BIRC6: variants seen among roughly 807,000 people sequenced by gnomAD.
BIRC6 encodes the protein dual E2 ubiquitin-conjugating enzyme/E3 ubiquitin-protein ligase BIRC6.
BIRC6 carries 98 observed loss-of-function variants against 503.3 expected under a neutral mutation model. The observed-to-expected ratio is 0.19, with a 90% confidence interval of 0.17 to 0.23. The LOEUF is 0.23. Among genes scored for constraint, BIRC6 ranks in the 10% least tolerant of loss-of-function variants. The pLI is 1.00. For missense variants in BIRC6, 5,360 were observed against 5,806.0 expected, an observed-to-expected ratio of 0.92 and a Z score of 2.50; for synonymous variants, 2,240 against 2,078.7, an observed-to-expected ratio of 1.08 and a Z score of -2.11.
chr2:32,574,164 T>TC (rs1350964470), intron 65 of BIRC6, among the ~76,000 whole-genome samples: 1 of 147,340 alleles, frequency 6.8e-6, no homozygotes, highest in Non-Finnish European at 1.5e-5. Context: ...CTTTTTCTTT[T>TC]TTTTTTTTTT....
At chr2:32,473,965 C>T (rs929715318) in intron 33 of BIRC6, among the ~76,000 whole-genome samples, 1 of 151,672 alleles carries the variant, frequency 6.6e-6, no homozygotes, top group East Asian at 1.9e-4. Context: ...CTTTGTTGCC[C>T]AGGCTGCTCT....
In BIRC6 at chr2:32,439,641, G is replaced by C. The variant is rs763076334; in HGVS notation, c.3765G>C (p.Lys1255Asn). 3.1e-6 allele frequency: 5 copies of C among 1,613,806 alleles called. No homozygotes were observed. In the African/African-American group the frequency reaches 5.3e-5, roughly 17 times the overall value. Residue 1255 changes from lysine to asparagine, a missense_variant, in exon 16 of 74, where the codon AAG (lysine) becomes AAC (asparagine). Coordinates refer to ENST00000421745, the MANE Select transcript of BIRC6 (RefSeq NM_016252.4). The stretch of plus-strand genomic sequence containing the variant: ...CATCCCTAAAACACCAGAGTAACAA[G>C]GGTTATTCACTTGCTTCACTTTTGG... ...RLPSLKHQSN[K>N]GYSLASLLAK...
At chr2:32,375,929 T>A (rs1453102357) in intron 1 of BIRC6, among the ~76,000 whole-genome samples, 1 of 152,126 alleles carries the variant, frequency 6.6e-6, no homozygotes, top group African/African-American at 2.4e-5. Context: ...CTCACGCCTA[T>A]AATCCCGGCT....
chr2:32,421,019 C>T (rs1473316449), intron 10 of BIRC6, among the ~76,000 whole-genome samples: 1 of 146,758 alleles, frequency 6.8e-6, no homozygotes, highest in African/African-American at 2.5e-5. Context: ...TTCCCATTTA[C>T]TGGATTTCCA....
chr2:32,510,357 G>T (rs148245289), intron 52 of BIRC6, among the ~76,000 whole-genome samples, 169 bp from the exon 53 acceptor site: 1 of 152,226 alleles, frequency 6.6e-6, no homozygotes, highest in East Asian at 1.9e-4. Flanking sequence ...GGGATTACAC[G>T]TGTGAACCAC....
In BIRC6 at chr2:32,611,459, A is replaced by T. The variant is rs751964991; in HGVS notation, c.14271A>T (p.Lys4757Asn). Residue 4757 changes from lysine to asparagine, a missense_variant, in exon 73 of 74, where the codon AAA becomes AAT. Coordinates refer to ENST00000421745, the MANE Select transcript of BIRC6 (RefSeq NM_016252.4). ...TACTTTTTCTCAAGGTAATACACAA[A>T]CATTTTTACTTGAAAAGAGTTGAGA... ...PSPCFKEVIH[K>N]HFYLKRVEIM... 12 of 1,607,338 alleles carry T rather than the reference A, an allele frequency of 7.5e-6. No homozygotes were observed. The highest frequency in any genetic ancestry group is 1.0e-5 in the Non-Finnish European group (12 of 1,175,948).
rs1299135113 is a variant in BIRC6 at position 32,543,669 on chromosome 2, GCTCA to G, written c.12592+131_12592+134del. ...GCTGTTAGATGATTTGTAAGTGGTAGCTCACTTCCAGTATTAGTTATACATAATA... is the reference window on the plus strand; with the variant it reads ...GCTGTTAGATGATTTGTAAGTGGTAGCTTCCAGTATTAGTTATACATAATA... On this transcript the variant is annotated intron_variant, in intron 62 of 73. Transcript: ENST00000421745. 43 of 861,066 alleles carry G rather than the reference GCTCA, an allele frequency of 5.0e-5. No homozygotes were observed. In the East Asian group the frequency reaches 9.1e-4, roughly 18 times the overall value. The allele number at this position is 861,066 out of a possible 1,614,324, so 53.3% of individuals were successfully genotyped here. A position where few individuals can be genotyped will look rare whatever the true frequency, so the allele number is the denominator to read the frequency against.
intron 22 of BIRC6, 46 bp downstream of exon 22, chr2:32,448,974 G>A (rs772814365): frequency 1.9e-4 from 302 of 1,559,432 alleles, no homozygotes; most frequent in Non-Finnish European, 2.5e-4. Flanking sequence ...TTGTATCTTG[G>A]ATTTAAGTTG....
At chr2:32,431,567 A>G (rs2044127932) in intron 12 of BIRC6, among the ~76,000 whole-genome samples, 1 of 152,184 alleles carries the variant, frequency 6.6e-6, no homozygotes, top group Admixed American at 6.5e-5. Flanking sequence ...TCTAACAAAT[A>G]TATAAGCTAA....
At chr2:32,454,727 T>C (rs543005818) in intron 23 of BIRC6, among the ~76,000 whole-genome samples, 26 of 152,276 alleles carry the variant, frequency 1.7e-4, no homozygotes, top group Non-Finnish European at 2.8e-4. Flanking sequence ...TCGTGAAAAA[T>C]ATAATCTTAG....
chr2:32,364,238 C>T (rs1404137198), intron 1 of BIRC6, among the ~76,000 whole-genome samples: 1 of 152,068 alleles, frequency 6.6e-6, no homozygotes, highest in East Asian at 1.9e-4. Flanking sequence ...AAAACCTGCT[C>T]AGTGTTTTTA....
chr2:32,597,851 T>C lies in BIRC6; in HGVS notation c.13713T>C (p.Ser4571=), dbSNP rs201790018. ...TGAAAAATGCTAATGATGCGAACAG[T>C]GCTGCCAGAGCTCGCCGCCTTGCCC... ...SQVKNANDAN[S]AARARRLAQE... is the part of the protein sequence containing the mutation. The change falls in exon 69 of 74, where the codon AGT becomes AGC. Residue 4571 remains serine (S), a synonymous_variant. Coordinates refer to ENST00000421745, the MANE Select transcript of BIRC6 (RefSeq NM_016252.4). 7.4e-6 allele frequency: 12 copies of C among 1,613,852 alleles called. No homozygotes were observed. In the East Asian group the frequency reaches 1.8e-4, roughly 24 times the overall value.
intron 6 of BIRC6, among the ~76,000 whole-genome samples, chr2:32,396,353 G>T (rs1438041239): frequency 6.6e-6 from 1 of 152,202 alleles, no homozygotes; most frequent in Admixed American, 6.5e-5. Context: ...GCTAGTGATA[G>T]AGCCAGGGTT....
In BIRC6 at chr2:32,535,923, C is replaced by G. The variant is rs1402253671; in HGVS notation, c.12291+4372C>G. Among the ~76,000 whole-genome samples the G allele has an allele frequency of 2.0e-5, 3 of 152,210 alleles. No individual in the cohort carries two copies. The South Asian group carries it at 6.2e-4, about 32-fold the overall frequency. ...TTGAACTAGTTTACAGTCCCACCAACGGTGTAAAAGTGTTCCTATTTCTCC... is the reference window on the plus strand; with the variant it reads ...TTGAACTAGTTTACAGTCCCACCAAGGGTGTAAAAGTGTTCCTATTTCTCC... On this transcript the variant is annotated intron_variant, in intron 61 of 73. Transcript: ENST00000421745.
intron 4 of BIRC6, among the ~76,000 whole-genome samples, chr2:32,389,436 T>A (rs1480953416): frequency 6.6e-6 from 1 of 152,036 alleles, no homozygotes; most frequent in Admixed American, 6.6e-5. Flanking sequence ...TAACAATTTT[T>A]TATGCTGCTC....
chr2:32,508,042 A>C lies in BIRC6; in HGVS notation c.9763A>C (p.Thr3255Pro), dbSNP rs775575511. ...ADGVNMLPLS[T>P]PVVTSGLTYI... is the part of the protein sequence containing the mutation. ...TGGGGTAAATATGCTACCTTTGTCC[A>C]CTCCTGTTGTCACAAGTGGCCTCAC... The change falls in exon 51 of 74, where the codon ACT becomes CCT. Residue 3255 changes from threonine (T) to proline (P), a missense_variant. This residue lies in a region of BIRC6 where 62 missense variants were observed against 107.4 expected (regional missense o/e 0.58). Coordinates refer to ENST00000421745, the MANE Select transcript of BIRC6 (RefSeq NM_016252.4). The C allele has an allele frequency of 1.4e-5, 22 of 1,613,672 alleles. No individual in the cohort carries two copies. The South Asian group carries it at 2.4e-4, about 18-fold the overall frequency.
At chr2:32,384,301 G>A (rs1433210853) in intron 3 of BIRC6, among the ~76,000 whole-genome samples, 1 of 152,030 alleles carries the variant, frequency 6.6e-6, no homozygotes, top group African/African-American at 2.4e-5. Context: ...TTGAAAATGA[G>A]TCTTTAGTAG....
chr2:32,609,561 C>G (rs1050229812), intron 72 of BIRC6, among the ~76,000 whole-genome samples: 4 of 152,104 alleles, frequency 2.6e-5, no homozygotes, highest in East Asian at 1.9e-4. Context: ...TGCAGATGTT[C>G]TACATGAATA....
Position 32,477,581 on chromosome 2 carries a change from A to G in BIRC6, c.7066A>G (p.Lys2356Glu), listed in dbSNP as rs1344806521. Reference protein sequence around the residue: ...CHADLLLFVCKVLARIANATR... With the variant: ...CHADLLLFVCEVLARIANATR... ...TGCAGATCTCTTATTGTTTGTTTGT[A>G]AGGTATGTAAACTATAAGTGTAGAC... Residue 2356 changes from lysine to glutamate, a missense_variant and splice_region_variant, in exon 35 of 74, where the codon AAG (lysine) becomes GAG (glutamate). By Grantham distance (56) the Lys-to-Glu change is moderately conservative (BLOSUM62 1). Transcript: ENST00000421745. 3.7e-6 allele frequency: 6 copies of G among 1,612,278 alleles called. No individual in the cohort carries two copies. The Admixed American group carries it at 8.4e-5, about 22-fold the overall frequency.
Sources: gnomAD v4.1 joint callset for allele counts (sites outside exome capture counted in the v4.1 genomes callset) on GRCh38, gnomAD v4.1.1 for gene constraint, gnomAD v4.1.1 regional missense constraint, MANE v1.5 for transcripts, NCBI Gene and HGNC (gene_info 2026-07-23, HGNC 2026-07-21) for gene names.